The following CDC73 variants were observed in gnomAD, a reference collection of about 807,000 sequenced individuals.
CDC73 encodes the protein parafibromin.
Under a neutral mutation model 83.7 loss-of-function variants are expected in CDC73, and 21 were observed. The ratio of observed to expected loss-of-function variants is 0.25; its 90% CI spans 0.18 to 0.36. CDC73 has a LOEUF of 0.36. CDC73 is among the 10% of genes least tolerant of loss of function. The pLI, the probability that CDC73 is intolerant of heterozygous loss-of-function variation, is 1.00. For synonymous variants in CDC73, 224 were observed against 212.9 expected, an observed-to-expected ratio of 1.05 and a Z score of -0.45; for missense variants, 342 against 653.3, an observed-to-expected ratio of 0.52 and a Z score of 5.19.
In CDC73 at chr1:193,234,011, C is replaced by T. The variant is rs138294714; in HGVS notation, c.1316+857C>T. Among the ~76,000 whole-genome samples the T allele has an allele frequency of 9.4e-3, 1,427 of 151,050 alleles. 16 individuals are homozygous for T. Among genetic ancestry groups the T allele is most frequent in the South Asian group, 0.034 (161 of 4,792 alleles). On this transcript the variant is annotated intron_variant, in intron 14 of 16. Transcript: ENST00000367435. ...TGTTAGTTTTCAGGCATTAAGAAGT[C>T]AAGGCATTGAGAATATTAATATTAA...
intron 13 of CDC73, among the ~76,000 whole-genome samples, chr1:193,214,300 C>G (rs934906134): frequency 6.6e-6 from 1 of 152,140 alleles, no homozygotes; most frequent in South Asian, 2.1e-4. Flanking sequence ...AGTTCCCGTT[C>G]CAATAATGCA....
intron 10 of CDC73, chr1:193,181,318 A>G (rs1676711714): frequency 1.2e-6 from 2 of 1,613,948 alleles, no homozygotes; most frequent in African/African-American, 1.3e-5. Context: ...TTCTTTCCAA[A>G]TGTTCCGAAG....
chr1:193,167,617 G>A (rs1365173309), intron 10 of CDC73, among the ~76,000 whole-genome samples: 3 of 151,800 alleles, frequency 2.0e-5, no homozygotes, highest in African/African-American at 7.3e-5. Flanking sequence ...TCCTTCCCTG[G>A]CTAACAAGGA....
At chr1:193,160,819 A>G (rs1016152939) in intron 10 of CDC73, among the ~76,000 whole-genome samples, 1 of 152,190 alleles carries the variant, frequency 6.6e-6, no homozygotes, top group East Asian at 1.9e-4. Flanking sequence ...AAAACCTAGT[A>G]TATTTAATAA....
intron 10 of CDC73, among the ~76,000 whole-genome samples, chr1:193,194,778 AC>A (rs1676974370): frequency 1.3e-5 from 2 of 152,052 alleles, no homozygotes; most frequent in South Asian, 4.1e-4. Context: ...ATGCAAGAGT[AC>A]CCCTTTTAAA....
intron 10 of CDC73, among the ~76,000 whole-genome samples, chr1:193,191,323 G>A (rs907039555): frequency 3.9e-5 from 6 of 152,168 alleles, no homozygotes; most frequent in East Asian, 1.9e-4. Context: ...CATCTGGTTA[G>A]TATATCTTCT....
At position 193,147,925 on chromosome 1, in the gene CDC73, G is replaced by C. The variant is rs1307745420; in HGVS notation, c.788G>C (p.Arg263Pro). 4 of 1,613,538 alleles carry C rather than the reference G, an allele frequency of 2.5e-6. No homozygotes were observed. In the South Asian group the frequency reaches 4.4e-5, roughly 18 times the overall value. Residue 263 changes from arginine (R) to proline (P), a missense_variant, in exon 8 of 17, where the codon CGT becomes CCT. Around this residue, in one of 3 missense-constraint regions of CDC73, gnomAD observed 239 missense variants for 420.6 expected, o/e 0.57. Coordinates refer to ENST00000367435, the MANE Select transcript of CDC73 (RefSeq NM_024529.5). ...TCTGTAAAAGCCAGAGAAGAAGGGC[G>C]TGCACCTGAACAGCGACCTGCCCCA... ...LQSVKAREEG[R>P]APEQRPAPNA...
chr1:193,207,809 C>T (rs1242306333), intron 11 of CDC73, among the ~76,000 whole-genome samples: 2 of 152,146 alleles, frequency 1.3e-5, no homozygotes, highest in Admixed American at 1.3e-4. Context: ...CATACATTCT[C>T]AGTTTACGAA....
At chr1:193,137,629 C>T (rs1338308801) in intron 5 of CDC73, among the ~76,000 whole-genome samples, 2 of 152,008 alleles carry the variant, frequency 1.3e-5, no homozygotes, top group Non-Finnish European at 2.9e-5. Flanking sequence ...CTTTGAAAAC[C>T]TTTAAGGTTT....
chr1:193,195,622 G>T (rs1676990518), intron 10 of CDC73, among the ~76,000 whole-genome samples: 3 of 152,096 alleles, frequency 2.0e-5, no homozygotes, highest in Admixed American at 2.0e-4. Context: ...CCAGTCATAT[G>T]TAAGAATTCC....
chr1:193,189,902 A>G (rs1676889137), intron 10 of CDC73, among the ~76,000 whole-genome samples: 1 of 152,252 alleles, frequency 6.6e-6, no homozygotes, highest in African/African-American at 2.4e-5. Flanking sequence ...TGTACATTCA[A>G]CAATATGTCC....
chr1:193,209,187 T>C (rs1159931638), intron 11 of CDC73, among the ~76,000 whole-genome samples: 1 of 152,232 alleles, frequency 6.6e-6, no homozygotes, highest in African/African-American at 2.4e-5. Context: ...CTAATTTATT[T>C]GAAATCAAAC....
chr1:193,185,074 A>G (rs1040506046), intron 10 of CDC73, among the ~76,000 whole-genome samples: 1 of 152,022 alleles, frequency 6.6e-6, no homozygotes, highest in Non-Finnish European at 1.5e-5. Context: ...GCGGTAGTTC[A>G]TTACTGCATA....
At chr1:193,194,415 G>A (rs1676967373) in intron 10 of CDC73, among the ~76,000 whole-genome samples, 1 of 151,992 alleles carries the variant, frequency 6.6e-6, no homozygotes. Flanking sequence ...CTTTTTTCAC[G>A]CTGATTAACA....
intron 6 of CDC73, among the ~76,000 whole-genome samples, chr1:193,139,943 C>T (rs1675875547): frequency 1.3e-5 from 2 of 152,188 alleles, no homozygotes; most frequent in African/African-American, 4.8e-5. Context: ...GTTCTTTATT[C>T]AACCTTACAT....
At chr1:193,150,272 T>C in intron 8 of CDC73, 32 bp from the exon 9 acceptor site, 1 of 1,438,546 alleles carries the variant, frequency 7.0e-7, no homozygotes, top group South Asian at 1.1e-5. Context: ...TTAAAAATAT[T>C]AACAAGTAAC....
At chr1:193,131,385 T>A (rs1675690730) in intron 3 of CDC73, among the ~76,000 whole-genome samples, 1 of 152,248 alleles carries the variant, frequency 6.6e-6, no homozygotes, top group Admixed American at 6.5e-5. Flanking sequence ...TATGACAACT[T>A]CTTACCATTC....
intron 16 of CDC73, among the ~76,000 whole-genome samples, chr1:193,250,315 TTTACA>T (rs1211177983): frequency 3.3e-5 from 5 of 151,980 alleles, no homozygotes; most frequent in African/African-American, 1.2e-4. Flanking sequence ...CATAAAGCCC[TTTACA>T]TTAATAACAG....
At chr1:193,241,589 T>TA (rs1436546516) in intron 15 of CDC73, among the ~76,000 whole-genome samples, 1 of 152,166 alleles carries the variant, frequency 6.6e-6, no homozygotes, top group Admixed American at 6.5e-5. Context: ...TCCACACTGT[T>TA]ACCAATTGTG....
Sources: gnomAD v4.1 joint callset for allele counts (sites outside exome capture counted in the v4.1 genomes callset) on GRCh38, gnomAD v4.1.1 for gene constraint, gnomAD v4.1.1 regional missense constraint, MANE v1.5 for transcripts, NCBI Gene and HGNC (gene_info 2026-07-23, HGNC 2026-07-21) for gene names.